MGMT: variants seen among roughly 807,000 people sequenced by gnomAD.
The protein encoded by MGMT is methylated-DNA--protein-cysteine methyltransferase.
MGMT carries 14 observed loss-of-function variants against 15.9 expected under a neutral mutation model. The observed-to-expected ratio is 0.88, with a 90% CI of 0.58 to 1.37. The LOEUF is 1.37. MGMT is among the 40% of genes most tolerant of loss of function. MGMT has a pLI of 0.00. For missense variants in MGMT, 282 were observed against 268.1 expected, an observed-to-expected ratio of 1.05 and a Z score of -0.36; for synonymous variants, 130 against 118.2, an observed-to-expected ratio of 1.10 and a Z score of -0.65.
intron 2 of MGMT, among the ~76,000 whole-genome samples, chr10:129,665,422 A>G (rs1847648320): frequency 6.6e-6 from 1 of 151,690 alleles, no homozygotes; most frequent in Non-Finnish European, 1.5e-5. Flanking sequence ...CATCCCTACC[A>G]TGCAGTTCAG....
At chr10:129,719,133 G>A (rs940526519) in intron 3 of MGMT, among the ~76,000 whole-genome samples, 11 of 149,100 alleles carry the variant, frequency 7.4e-5, no homozygotes, top group Admixed American at 4.0e-4. Flanking sequence ...TCACCTTCCC[G>A]AGGTGCCCAG....
chr10:129,695,454 G>A (rs1259665427), intron 2 of MGMT, among the ~76,000 whole-genome samples: 3 of 152,224 alleles, frequency 2.0e-5, no homozygotes, highest in Non-Finnish European at 4.4e-5. Flanking sequence ...TAATGGGACC[G>A]AGCCCCGTGG....
chr10:129,578,218 A>G (rs898124017), intron 2 of MGMT, among the ~76,000 whole-genome samples: 2 of 152,242 alleles, frequency 1.3e-5, no homozygotes, highest in Admixed American at 6.5e-5. Flanking sequence ...ATGCTGCTAT[A>G]AAGATACATG....
At chr10:129,564,455 T>C (rs1203803682) in intron 2 of MGMT, among the ~76,000 whole-genome samples, 9 of 75,910 alleles carry the variant, frequency 1.2e-4, no homozygotes, top group African/African-American at 4.5e-4. Context: ...TTCCTCTCTC[T>C]CCCCTTCCTG....
intron 2 of MGMT, among the ~76,000 whole-genome samples, chr10:129,595,663 T>C (rs954254649): frequency 4.5e-4 from 68 of 152,300 alleles, no homozygotes; most frequent in African/African-American, 1.6e-3. Flanking sequence ...CAAAAGTGTC[T>C]GTGTCCCTCC....
At chr10:129,576,610 C>CT (rs1846486038) in intron 2 of MGMT, among the ~76,000 whole-genome samples, 1 of 152,164 alleles carries the variant, frequency 6.6e-6, no homozygotes, top group Non-Finnish European at 1.5e-5. Context: ...GAAGCATTCC[C>CT]TTTGAAAACT....
At chr10:129,548,659 GC>G (rs1846122554) in intron 2 of MGMT, among the ~76,000 whole-genome samples, 1 of 152,210 alleles carries the variant, frequency 6.6e-6, no homozygotes, top group Non-Finnish European at 1.5e-5. Context: ...GGTCCTGCAG[GC>G]AGCCTGGCGT....
rs1353708178 is a variant in MGMT at position 129,770,182 on chromosome 10, C to T, written c.*3185C>T. ...CAAGTCCAATATAGATAGGTTTATACTGAAGCCATCAGTTTTGTTTCTTAC... is the reference window on the plus strand; with the variant it reads ...CAAGTCCAATATAGATAGGTTTATATTGAAGCCATCAGTTTTGTTTCTTAC... On this transcript the variant is annotated 3_prime_UTR_variant, in exon 5 of 5. Coordinates refer to ENST00000651593, the MANE Select transcript of MGMT (RefSeq NM_002412.5). Among the ~76,000 whole-genome samples the T allele has an allele frequency of 6.6e-6, 1 of 152,214 alleles. No individual in the cohort carries two copies. The highest frequency in any genetic ancestry group is 1.5e-5 in the Non-Finnish European group (1 of 68,034).
intron 1 of MGMT, among the ~76,000 whole-genome samples, chr10:129,496,777 T>C (rs2119667828): frequency 6.6e-6 from 1 of 152,354 alleles, no homozygotes; most frequent in South Asian, 2.1e-4. Context: ...ATTCATCATC[T>C]ATACCTTTTC....
intron 1 of MGMT, among the ~76,000 whole-genome samples, chr10:129,535,399 A>C (rs1271212082): frequency 6.6e-6 from 1 of 152,190 alleles, no homozygotes; most frequent in Non-Finnish European, 1.5e-5. Flanking sequence ...TCGTCTCTAA[A>C]AAAAAAGAAA....
chr10:129,591,352 C>A (rs1426745918), intron 2 of MGMT, among the ~76,000 whole-genome samples: 1 of 152,170 alleles, frequency 6.6e-6, no homozygotes, highest in East Asian at 1.9e-4. Flanking sequence ...GTGGTCCACT[C>A]GTGCGGGAAG....
intron 2 of MGMT, among the ~76,000 whole-genome samples, chr10:129,608,545 G>A (rs1347544759): frequency 6.6e-6 from 1 of 152,326 alleles, no homozygotes; most frequent in Non-Finnish European, 1.5e-5. Context: ...GTGTATTGAG[G>A]CATGGCTTTT....
At chr10:129,739,680 C>G (rs765815364) in intron 3 of MGMT, among the ~76,000 whole-genome samples, 4 of 152,144 alleles carry the variant, frequency 2.6e-5, no homozygotes, top group Non-Finnish European at 5.9e-5. Context: ...CCAAGCTTGT[C>G]CAATCCTCAG....
At chr10:129,576,998 AAGG>A (rs1846491434) in intron 2 of MGMT, among the ~76,000 whole-genome samples, 1 of 152,164 alleles carries the variant, frequency 6.6e-6, no homozygotes, top group Non-Finnish European at 1.5e-5. Flanking sequence ...GGACCTCTTC[AAGG>A]AGAACTACAA....
At chr10:129,563,185 C>T (rs1052609238) in intron 2 of MGMT, among the ~76,000 whole-genome samples, 1 of 151,982 alleles carries the variant, frequency 6.6e-6, no homozygotes, top group Non-Finnish European at 1.5e-5. Context: ...CTGAATGTAT[C>T]AGGATGTAGC....
In MGMT at chr10:129,567,861, G is replaced by A. The variant is rs1027427218; in HGVS notation, c.125+31484G>A. ...TTAAAATGATAGATCACCTAATTTTGTTCTGACAGAGGTTTTTGCCGCAAC... is the reference window on the plus strand; with the variant it reads ...TTAAAATGATAGATCACCTAATTTTATTCTGACAGAGGTTTTTGCCGCAAC... On this transcript the variant is annotated intron_variant, in intron 2 of 4. Coordinates refer to ENST00000651593, the MANE Select transcript of MGMT (RefSeq NM_002412.5). 1.3e-4 allele frequency among the ~76,000 whole-genome samples: 20 copies of A among 152,236 alleles called. 1 individual carries two copies. The highest frequency in any genetic ancestry group is 7.2e-5 in the African/African-American group (3 of 41,536).
At chr10:129,508,483 C>T (rs1470386492) in intron 1 of MGMT, among the ~76,000 whole-genome samples, 2 of 151,424 alleles carry the variant, frequency 1.3e-5, no homozygotes, top group African/African-American at 4.9e-5. Context: ...GGGTGCTGAC[C>T]TCTCTGGTAT....
At chr10:129,493,700 T>C (rs1036768467) in intron 1 of MGMT, among the ~76,000 whole-genome samples, 1 of 152,126 alleles carries the variant, frequency 6.6e-6, no homozygotes, top group African/African-American at 2.4e-5. Context: ...CCAGGCCCAG[T>C]GTGGGATCTG....
Position 129,534,088 on chromosome 10 carries a change from A to C in MGMT, c.-12-2153A>C, listed in dbSNP as rs114971953. Among the ~76,000 whole-genome samples, 630 of 152,288 alleles carry C rather than the reference A, an allele frequency of 4.1e-3. 7 individuals are homozygous for C. The highest frequency in any genetic ancestry group is 0.015 in the African/African-American group (611 of 41,566). ...CCTCTAAACTCGTGCCGACGTTGTG[A>C]TTTGGTCTGATTTATCCTACAGACA... On this transcript the variant is annotated intron_variant, in intron 1 of 4. Transcript: ENST00000651593.
Sources: gnomAD v4.1 joint callset for allele counts (sites outside exome capture counted in the v4.1 genomes callset) on GRCh38, gnomAD v4.1.1 for gene constraint, MANE v1.5 for transcripts, NCBI Gene and HGNC (gene_info 2026-07-23, HGNC 2026-07-21) for gene names.